The following TSPAN14 variants were observed in gnomAD, a reference collection of about 807,000 sequenced individuals.
TSPAN14 encodes the protein tetraspanin-14.
A neutral mutation model predicts 36.6 loss-of-function variants in TSPAN14; 16 were observed. The ratio of observed to expected loss-of-function variants is 0.44; its 90% CI spans 0.30 to 0.66. The LOEUF (loss-of-function observed/expected upper bound fraction) is 0.66, where lower values mean the gene tolerates loss of function less well. Among genes scored for constraint, TSPAN14 ranks in the 30% least tolerant of loss-of-function variants. The pLI is 0.12. For missense variants in TSPAN14, 231 were observed against 355.1 expected, an observed-to-expected ratio of 0.65 and a Z score of 2.81; for synonymous variants, 139 against 143.8, an observed-to-expected ratio of 0.97 and a Z score of 0.24.
rs1840709557 is a variant in TSPAN14 at position 80,512,414 on chromosome 10, C to T, written c.576+145C>T. The T allele has an allele frequency of 2.9e-5, 36 of 1,245,082 alleles. No individual in the cohort carries two copies. The South Asian group carries it at 5.6e-4, about 19-fold the overall frequency. The allele number at this position is 1,245,082 out of a possible 1,614,324, so 77.1% of individuals were successfully genotyped here. On this transcript the variant is annotated intron_variant, in intron 6 of 8. Transcript: ENST00000429989. ...TTTCTCCACACCCTCCTCAAGGCTG[C>T]CTCAGCTCTGAAATCCGATATGTGT...
At chr10:80,491,323 T>A (rs1847908579) in intron 2 of TSPAN14, among the ~76,000 whole-genome samples, 1 of 152,176 alleles carries the variant, frequency 6.6e-6, no homozygotes. Context: ...GCAGCATTGT[T>A]CCCTGTCTGG....
intron 2 of TSPAN14, among the ~76,000 whole-genome samples, chr10:80,498,683 C>T (rs1848331323): frequency 6.6e-6 from 1 of 152,184 alleles, no homozygotes; most frequent in Non-Finnish European, 1.5e-5. Context: ...CTTGAACGCC[C>T]CTCACATCTC....
At chr10:80,463,351 CAA>C (rs1358681572) in intron 1 of TSPAN14, among the ~76,000 whole-genome samples, 4 of 152,106 alleles carry the variant, frequency 2.6e-5, no homozygotes, top group African/African-American at 4.8e-5. Context: ...AAACACATAA[CAA>C]AGATACACGG....
At chr10:80,466,225 C>G (rs932236774) in intron 1 of TSPAN14, among the ~76,000 whole-genome samples, 9 of 152,132 alleles carry the variant, frequency 5.9e-5, no homozygotes, top group African/African-American at 1.9e-4. Flanking sequence ...AGCCTCAGCC[C>G]CAGATAGGGT....
chr10:80,499,158 T>C (rs1848360703), intron 2 of TSPAN14, among the ~76,000 whole-genome samples: 2 of 152,206 alleles, frequency 1.3e-5, no homozygotes. Flanking sequence ...TTTGACCTGC[T>C]TGGAGCTGCA....
chr10:80,509,498 A>G lies in TSPAN14; in HGVS notation c.450+27A>G. The G allele has an allele frequency of 1.9e-6, 3 of 1,607,798 alleles. No homozygotes were observed. The highest frequency in any genetic ancestry group is 2.2e-5 in the South Asian group (2 of 90,162). ...TAAGCACCTCCCCAGCGGGCCCCCG[A>G]TAGAGCATGCACCTCCCTGTGCTGC... On this transcript the variant is annotated intron_variant, in intron 5 of 8. Transcript: ENST00000429989. The surrounding 1 kb of genome is among the most constrained non-coding windows in gnomAD (Gnocchi z 4.7).
intron 1 of TSPAN14, among the ~76,000 whole-genome samples, chr10:80,461,473 G>C (rs765617224): frequency 6.6e-6 from 1 of 152,182 alleles, no homozygotes; most frequent in Non-Finnish European, 1.5e-5. Flanking sequence ...TGGTATAAAC[G>C]TGGATAGGTT....
At chr10:80,477,913 A>C (rs1297763348) in intron 1 of TSPAN14, among the ~76,000 whole-genome samples, 1 of 152,210 alleles carries the variant, frequency 6.6e-6, no homozygotes, top group Non-Finnish European at 1.5e-5. Flanking sequence ...GATGGGAAAA[A>C]AATACAAATG....
chr10:80,508,033 T>C (rs1840386771), intron 4 of TSPAN14, among the ~76,000 whole-genome samples: 1 of 152,152 alleles, frequency 6.6e-6, no homozygotes, highest in African/African-American at 2.4e-5. Flanking sequence ...AGAAAAGCTA[T>C]GTTTAGCATC....
chr10:80,494,597 C>T (rs1848091592), intron 2 of TSPAN14, among the ~76,000 whole-genome samples: 1 of 152,164 alleles, frequency 6.6e-6, no homozygotes, highest in East Asian at 1.9e-4. Context: ...GGACTTGCCA[C>T]CTCCCAGGAT....
At chr10:80,487,173 C>T (rs1211218388) in intron 1 of TSPAN14, among the ~76,000 whole-genome samples, 4 of 152,184 alleles carry the variant, frequency 2.6e-5, no homozygotes, top group Non-Finnish European at 4.4e-5. Context: ...TACACGGAGC[C>T]CCTCTCTGCG....
At position 80,518,088 on chromosome 10, in the gene TSPAN14, C is replaced by CA. The variant is rs1409177378; in HGVS notation, c.*113dup. The stretch of plus-strand genomic sequence containing the variant: ...GCCGACACCCCCAGAGCCAGTGCCC[C>CA]ATCTTAAGCATCAGCGTGACGTGAC... On this transcript the variant is annotated 3_prime_UTR_variant, in exon 9 of 9. Coordinates refer to ENST00000429989, the Ensembl canonical transcript of TSPAN14. 3.0e-5 allele frequency: 33 copies of CA among 1,086,766 alleles called. No homozygotes were observed. In the Middle Eastern group the frequency reaches 8.5e-4, roughly 28 times the overall value. 67.3% of individuals were successfully genotyped at this position (1,086,766 alleles called of 1,614,324 possible). A position where few individuals can be genotyped will look rare whatever the true frequency, so the allele number is the denominator to read the frequency against.
At chr10:80,472,208 TC>T (rs1429686237) in intron 1 of TSPAN14, among the ~76,000 whole-genome samples, 1 of 152,154 alleles carries the variant, frequency 6.6e-6, no homozygotes, top group African/African-American at 2.4e-5. Flanking sequence ...TTTTTGTTCC[TC>T]CAAGAAGGAC....
intron 1 of TSPAN14, among the ~76,000 whole-genome samples, chr10:80,457,137 C>T (rs538602376): frequency 5.3e-5 from 8 of 152,200 alleles, no homozygotes; most frequent in South Asian, 4.2e-4. Context: ...ACTGTGGTCC[C>T]GAGAGGTCAC....
chr10:80,505,096 C>T (rs58877385), intron 3 of TSPAN14, among the ~76,000 whole-genome samples: 4,700 of 152,246 alleles, frequency 0.031, 230 homozygotes, highest in African/African-American at 0.11. Context: ...TGGGAGCAAG[C>T]GGGCAGGTCC....
intron 1 of TSPAN14, among the ~76,000 whole-genome samples, chr10:80,462,604 C>T (rs766596190): frequency 6.6e-6 from 1 of 152,116 alleles, no homozygotes; most frequent in Non-Finnish European, 1.5e-5. Flanking sequence ...TTTATTGACA[C>T]GTCAGTTAAA....
chr10:80,516,017 C>A, intron 7 of TSPAN14, 187 bp from the exon 8 acceptor site: 1 of 783,388 alleles, frequency 1.3e-6, no homozygotes, highest in Non-Finnish European at 2.0e-6. Flanking sequence ...TGCGATGGCA[C>A]AGTGCCCAGC....
rs1409877358 is a variant in TSPAN14 at position 80,509,460 on chromosome 10, C to T, written c.439C>T (p.Leu147Phe). ...CGATCTGCAAAACCTCATCGACTCC[C>T]TTCAGAAAGCTGTAAGCACCTCCCC... Residue 147 changes from leucine (L) to phenylalanine (F), a missense_variant, in exon 5 of 9, where the codon CTT (leucine) becomes TTT (phenylalanine). Physicochemically the swap from Leu to Phe is conservative, Grantham distance 22. Coordinates refer to ENST00000429989, the Ensembl canonical transcript of TSPAN14. The surrounding 1 kb of genome is among the most constrained non-coding windows in gnomAD (Gnocchi z 4.7). 6.2e-7 allele frequency: 1 copy of T among 1,613,760 alleles called. No individual in the cohort carries two copies. Among genetic ancestry groups the T allele is most frequent in the South Asian group, 1.1e-5 (1 of 91,060 alleles).
chr10:80,507,518 T>C (rs572847048), intron 4 of TSPAN14, 144 bp downstream of exon 4: 1 of 1,165,620 alleles, frequency 8.6e-7, no homozygotes, highest in Non-Finnish European at 1.2e-6. Context: ...GAGGCAGCCA[T>C]TTGCACTCTA....
Sources: gnomAD v4.1 joint callset for allele counts (sites outside exome capture counted in the v4.1 genomes callset) on GRCh38, gnomAD v4.1.1 for gene constraint, Gnocchi (gnomAD v3.1) non-coding constraint, MANE v1.5 for transcripts, NCBI Gene and HGNC (gene_info 2026-07-23, HGNC 2026-07-21) for gene names.